Variants in MECOM observed in about 807,000 individuals in gnomAD.
MECOM encodes the protein histone-lysine N-methyltransferase MECOM.
Under a neutral mutation model 116.3 loss-of-function variants are expected in MECOM, and 13 were observed. The ratio of observed to expected loss-of-function variants is 0.11; its 90% confidence interval spans 0.07 to 0.18. The LOEUF is 0.18. Among genes scored for constraint, MECOM ranks in the 10% least tolerant of loss-of-function variants. The probability of loss-of-function intolerance (pLI) is 1.00; values close to 1 mark genes in which losing one functional copy is unlikely to be tolerated. For synonymous variants in MECOM, 528 were observed against 535.2 expected, an observed-to-expected ratio of 0.99 and a Z score of 0.19; for missense variants, 1,299 against 1,509.0, an observed-to-expected ratio of 0.86 and a Z score of 2.31.
At chr3:169,356,765 C>A (rs1727354289) in intron 2 of MECOM, among the ~76,000 whole-genome samples, 1 of 151,900 alleles carries the variant, frequency 6.6e-6, no homozygotes, top group Non-Finnish European at 1.5e-5. Flanking sequence ...CACTGTTAAT[C>A]TCTTAAGACA....
At chr3:169,156,263 A>T (rs991652203) in intron 2 of MECOM, among the ~76,000 whole-genome samples, 4 of 152,160 alleles carry the variant, frequency 2.6e-5, no homozygotes, top group African/African-American at 4.8e-5. Flanking sequence ...TAGTAAAGAG[A>T]CCTATTTGGC....
intron 2 of MECOM, among the ~76,000 whole-genome samples, chr3:169,191,720 A>AAG (rs1747615283): frequency 2.1e-5 from 1 of 48,124 alleles, no homozygotes. Context: ...AAGAAAGAAA[A>AAG]AAAGAAAGAA....
chr3:169,265,980 T>C (rs1758249126), intron 2 of MECOM, among the ~76,000 whole-genome samples: 1 of 152,220 alleles, frequency 6.6e-6, no homozygotes, highest in South Asian at 2.1e-4. Flanking sequence ...TCTTGAAATC[T>C]CTTTGATGTC....
At chr3:169,150,474 T>C (rs1322775421) in intron 2 of MECOM, among the ~76,000 whole-genome samples, 1 of 152,264 alleles carries the variant, frequency 6.6e-6, no homozygotes, top group Non-Finnish European at 1.5e-5. Flanking sequence ...AACATGCGTG[T>C]TCTGCAGTGT....
Position 169,196,201 on chromosome 3 carries a change from C to A in MECOM, c.376-52369G>T, listed in dbSNP as rs377005764. ...GAAACATAATTTTAAATATGGCTGACCTGCATGAGATGGCATTTTATATCT... is the reference window on the plus strand; with the variant it reads ...GAAACATAATTTTAAATATGGCTGAACTGCATGAGATGGCATTTTATATCT... On this transcript the variant is annotated intron_variant, in intron 2 of 16. Coordinates refer to ENST00000651503, the MANE Select transcript of MECOM (RefSeq NM_004991.4). Among the ~76,000 whole-genome samples, 39 of 151,954 alleles carry A rather than the reference C, an allele frequency of 2.6e-4. 1 individual carries two copies. Among genetic ancestry groups the A allele is most frequent in the East Asian group, 1.9e-3 (10 of 5,168 alleles).
chr3:169,494,288 C>T (rs1753546955), intron 1 of MECOM, among the ~76,000 whole-genome samples: 2 of 151,982 alleles, frequency 1.3e-5, no homozygotes, highest in Non-Finnish European at 1.5e-5. Flanking sequence ...AGAGAGTAAA[C>T]TTATTGGTAA....
chr3:169,325,564 G>A (rs1471886928), intron 2 of MECOM, among the ~76,000 whole-genome samples: 1 of 152,182 alleles, frequency 6.6e-6, no homozygotes, highest in African/African-American at 2.4e-5. Context: ...CTTAGACACT[G>A]TTGAAGAAGA....
intron 1 of MECOM, among the ~76,000 whole-genome samples, chr3:169,432,165 C>CTT (rs11410519): frequency 7.6e-5 from 11 of 145,306 alleles, no homozygotes; most frequent in East Asian, 6.0e-4. Flanking sequence ...GTACTACTGT[C>CTT]TTTTTTTTTT....
chr3:169,598,795 G>C (rs1423470843), intron 1 of MECOM, among the ~76,000 whole-genome samples: 1 of 152,146 alleles, frequency 6.6e-6, no homozygotes. Context: ...AAAGAGAAGG[G>C]TCTTAAGAAA....
At chr3:169,427,777 T>C (rs979134349) in intron 1 of MECOM, among the ~76,000 whole-genome samples, 1 of 152,186 alleles carries the variant, frequency 6.6e-6, no homozygotes, top group Non-Finnish European at 1.5e-5. Context: ...ACAAAATATG[T>C]GTGTATGAAA....
At chr3:169,472,556 AAGAGAGGAG>A (rs1262686550) in intron 1 of MECOM, among the ~76,000 whole-genome samples, 48 of 80,764 alleles carry the variant, frequency 5.9e-4, no homozygotes, top group Admixed American at 9.6e-4. Context: ...AGGAAAAGAA[AAGAGAGGAG>A]AGGAGAGGAG....
At chr3:169,505,024 G>T (rs564624644) in intron 1 of MECOM, among the ~76,000 whole-genome samples, 2 of 152,304 alleles carry the variant, frequency 1.3e-5, no homozygotes, top group African/African-American at 4.8e-5. Flanking sequence ...ACTGACACAT[G>T]ACTGTTCTCT....
rs114458285 is a variant in MECOM at position 169,087,116 on chromosome 3, C to T, written c.3585+1884G>A. ...AGTGTTTCTTATAACAGTAACAGTC[C>T]AGCTGGGTTGGGACTTTATGTCAAA... On this transcript the variant is annotated intron_variant, in intron 16 of 16. Coordinates refer to ENST00000651503, the MANE Select transcript of MECOM (RefSeq NM_004991.4). Among the ~76,000 whole-genome samples, 611 of 152,172 alleles carry T rather than the reference C, an allele frequency of 4.0e-3. 3 individuals are homozygous for T. The highest frequency in any genetic ancestry group is 0.017 in the South Asian group (81 of 4,822).
At chr3:169,413,483 T>G (rs1483394392) in intron 1 of MECOM, among the ~76,000 whole-genome samples, 3 of 42,312 alleles carry the variant, frequency 7.1e-5, no homozygotes, top group African/African-American at 4.1e-4. Context: ...TTTTTGTTTT[T>G]TTTTTTATTT....
chr3:169,447,354 G>A (rs1005139619), intron 1 of MECOM, among the ~76,000 whole-genome samples: 9 of 152,116 alleles, frequency 5.9e-5, no homozygotes, highest in Admixed American at 4.6e-4. Flanking sequence ...AGTTGACTGG[G>A]GGAGGGAACA....
chr3:169,306,019 A>C (rs1292556872), intron 2 of MECOM, among the ~76,000 whole-genome samples: 1 of 152,154 alleles, frequency 6.6e-6, no homozygotes, highest in Non-Finnish European at 1.5e-5. Flanking sequence ...TCCTTTTATA[A>C]GTATATCTAG....
Position 169,115,721 on chromosome 3 carries a change from C to G in MECOM, c.2151G>C (p.Ser717=), listed in dbSNP as rs368981948. ...ATTGGGGTTCCATTTTCAAAGGTAA[C>G]GATCTCAAGTCTCTATCAGGAAATG... ...MYPFPDRDLR[S]LPLKMEPQSP... The change falls in exon 8 of 17, where the codon TCG becomes TCC. Residue 717 remains serine (S), a synonymous_variant. Transcript: ENST00000651503. 5.0e-6 allele frequency: 8 copies of G among 1,613,906 alleles called. No homozygotes were observed. In the Admixed American group the frequency reaches 8.3e-5, roughly 17 times the overall value.
rs61115570 is a variant in MECOM at position 169,212,636 on chromosome 3, GTATATATATATATATATA to G, written c.376-68822_376-68805del. On this transcript the variant is annotated intron_variant, in intron 2 of 16. Coordinates refer to ENST00000651503, the MANE Select transcript of MECOM (RefSeq NM_004991.4). ...TAGTCTTGGTCTTCTAGTCAGCAAT[GTATATATATATATATATA>G]TATATATATATATATATATATATAT... 2.7e-4 allele frequency among the ~76,000 whole-genome samples: 7 copies of G among 26,074 alleles called. No homozygotes were observed. The East Asian group carries it at 3.7e-3, about 14-fold the overall frequency. 17.1% of individuals were successfully genotyped at this position (26,074 alleles called of 152,430 possible).
chr3:169,138,333 GT>G (rs1577120841), intron 3 of MECOM, among the ~76,000 whole-genome samples: 1 of 152,180 alleles, frequency 6.6e-6, no homozygotes, highest in East Asian at 1.9e-4. Flanking sequence ...AAATCCTAGC[GT>G]TATGTCAGTG....
Sources: allele counts gnomAD v4.1 joint callset (sites outside exome capture counted in the v4.1 genomes callset), GRCh38; gene constraint gnomAD v4.1.1; transcripts MANE v1.5; gene names NCBI Gene and HGNC (gene_info 2026-07-23, HGNC 2026-07-21).